Variants in GJA10 observed in about 807,000 individuals in gnomAD.
GJA10 encodes gap junction alpha-10 protein.
For synonymous variants in GJA10, 239 were observed against 233.0 expected (o/e 1.03, Z -0.23); for missense variants, 685 against 651.9 (o/e 1.05, Z -0.55).
At position 89,895,774 on chromosome 6, in the gene GJA10, T is replaced by C. The variant is rs578001286; in HGVS notation, c.1306T>C (p.Leu436=). Residue 436 remains leucine, a synonymous_variant, in exon 1 of 1, where the codon TTG becomes CTG. Coordinates refer to ENST00000369352, the MANE Select transcript of GJA10 (RefSeq NM_032602.2). ...TCGCAAGGCCAGCTTTCTGTCCAGA[T>C]TGTTGTCTGAAAAGCGACATCTGCA... The part of the protein sequence containing the change: ...GSRKASFLSR[L]LSEKRHLHSD... The C allele has an allele frequency of 3.7e-6, 6 of 1,614,118 alleles. No homozygotes were observed. The highest frequency in any genetic ancestry group is 2.7e-5 in the African/African-American group (2 of 75,030).
Position 89,894,825 on chromosome 6 carries a change from G to A in GJA10, c.357G>A (p.Glu119=). Residue 119 remains glutamate, a synonymous_variant, in exon 1 of 1, where the codon GAG becomes GAA. Transcript: ENST00000369352. ...RKKSHLRAQM[E]NPDLDLEEQQ... is the part of the protein sequence containing the mutation. ...AGTCACACCTTAGAGCCCAGATGGA[G>A]AATCCAGATCTTGACTTGGAGGAGC... The A allele has an allele frequency of 1.9e-6, 3 of 1,614,208 alleles. No homozygotes were observed. The highest frequency in any genetic ancestry group is 3.3e-5 in the Admixed American group (2 of 60,026).
rs896103911 is a variant in GJA10 at position 89,895,741 on chromosome 6, C to T, written c.1273C>T (p.Pro425Ser). The T allele has an allele frequency of 1.2e-6, 2 of 1,614,016 alleles. No individual in the cohort carries two copies. The highest frequency in any genetic ancestry group is 2.7e-5 in the African/African-American group (2 of 74,892). ...ESGVWIDRSR[P>S]GSRKASFLSR... is the part of the protein sequence containing the mutation. The stretch of plus-strand genomic sequence containing the variant: ...TGGGGTCTGGATAGACAGATCTCGC[C>T]CAGGCAGTCGCAAGGCCAGCTTTCT... The change falls in exon 1 of 1, where the codon CCA becomes TCA. Residue 425 changes from proline (P) to serine (S), a missense_variant. Physicochemically the swap from Pro to Ser is moderately conservative, Grantham distance 74 (BLOSUM62 -1). Coordinates refer to ENST00000369352, the MANE Select transcript of GJA10 (RefSeq NM_032602.2).
In GJA10 at chr6:89,894,961, T is replaced by A. The variant is rs1403256575; in HGVS notation, c.493T>A (p.Ser165Thr). The change falls in exon 1 of 1, where the codon TCT (serine) becomes ACT (threonine). Residue 165 changes from serine (S) to threonine (T), a missense_variant. By Grantham distance (58) the Ser-to-Thr change is moderately conservative (BLOSUM62 1). Coordinates refer to ENST00000369352, the MANE Select transcript of GJA10 (RefSeq NM_032602.2). ...TTATGTCTTACACATCTTGACCAGA[T>A]CTGTGCTGGAAGTAGGATTCATGAT... ...RTYVLHILTR[S>T]VLEVGFMIGQ... The A allele has an allele frequency of 6.8e-6, 11 of 1,614,026 alleles. No homozygotes were observed. The highest frequency in any genetic ancestry group is 1.3e-5 in the African/African-American group (1 of 74,910).
rs376247720 is a variant in GJA10, at chr6:89,894,598, G to T, written c.130G>T (p.Val44Phe). 6.2e-7 allele frequency: 1 copy of T among 1,614,232 alleles called. No individual in the cohort carries two copies. Among genetic ancestry groups the T allele is most frequent in the Non-Finnish European group, 8.5e-7 (1 of 1,180,044 alleles). ...MLVLRVAAED[V>F]WDDEQSAFAC... Reference sequence around the variant, plus strand: ...GGTACTTCGTGTGGCTGCTGAGGATGTCTGGGATGATGAACAGTCAGCATT... The same window carrying T: ...GGTACTTCGTGTGGCTGCTGAGGATTTCTGGGATGATGAACAGTCAGCATT... The change falls in exon 1 of 1, where the codon GTC becomes TTC. Residue 44 changes from valine (V) to phenylalanine (F), a missense_variant. Physicochemically the swap from Val to Phe is conservative, Grantham distance 50 (BLOSUM62 -1). Coordinates refer to ENST00000369352, the MANE Select transcript of GJA10 (RefSeq NM_032602.2).
rs1329815734 is a variant in GJA10 at position 89,894,795 on chromosome 6, G to A, written c.327G>A (p.Arg109=). The A allele has an allele frequency of 3.3e-5, 54 of 1,614,088 alleles. No homozygotes were observed. Among genetic ancestry groups the A allele is most frequent in the Non-Finnish European group, 4.2e-5 (50 of 1,180,052 alleles). ...GGGCCTTTGAGAAAGACAGGCAGAGGAAAAAGTCACACCTTAGAGCCCAGA... is the reference window on the plus strand; with the variant it reads ...GGGCCTTTGAGAAAGACAGGCAGAGAAAAAAGTCACACCTTAGAGCCCAGA... The part of the protein sequence containing the change: ...RLRAFEKDRQ[R]KKSHLRAQME... The change falls in exon 1 of 1, where the codon AGG becomes AGA. Residue 109 remains arginine (R), a synonymous_variant. Coordinates refer to ENST00000369352, the MANE Select transcript of GJA10 (RefSeq NM_032602.2).
Position 89,896,003 on chromosome 6 carries a change from T to C in GJA10, c.1535T>C (p.Met512Thr). 1 of 1,613,782 alleles carries C rather than the reference T, an allele frequency of 6.2e-7. No homozygotes were observed. Among genetic ancestry groups the C allele is most frequent in the Non-Finnish European group, 8.5e-7 (1 of 1,179,664 alleles). ...CCTTTCTTTCTTCCTGGGGTGTGTA[T>C]GTATGTTTGTGTTGACAGAGAGGCA... ...LFPFFLPGVC[M>T]YVCVDREADG... The change falls in exon 1 of 1, where the codon ATG becomes ACG. Residue 512 changes from methionine to threonine, a missense_variant. By Grantham distance (81) the Met-to-Thr change is moderately conservative. Coordinates refer to ENST00000369352, the MANE Select transcript of GJA10 (RefSeq NM_032602.2).
In GJA10 at chr6:89,894,753, T is replaced by C. The variant is rs768180031; in HGVS notation, c.285T>C (p.His95=). Residue 95 remains histidine (H), a synonymous_variant, in exon 1 of 1, where the codon CAT becomes CAC. Coordinates refer to ENST00000369352, the MANE Select transcript of GJA10 (RefSeq NM_032602.2). ...VSSPSLVYMG[H]ALYRLRAFEK... The stretch of plus-strand genomic sequence containing the variant: ...CTCCTTCTTTGGTCTATATGGGCCA[T>C]GCACTTTATAGGCTCAGGGCCTTTG... 1 of 1,614,236 alleles carries C rather than the reference T, an allele frequency of 6.2e-7. No homozygotes were observed. Among genetic ancestry groups the C allele is most frequent in the Non-Finnish European group, 8.5e-7 (1 of 1,180,048 alleles).
At position 89,894,730 on chromosome 6, in the gene GJA10, CCTT is replaced by C; in HGVS notation, c.266_268del (p.Ser89del). 1 of 1,614,180 alleles carries C rather than the reference CCTT, an allele frequency of 6.2e-7. No homozygotes were observed. ...TTTACAGATCATCTTTGTGTCTTCT[CCTT>C]CTTTGGTCTATATGGGCCATGCACT... On this transcript the variant is annotated inframe_deletion, in exon 1 of 1. Transcript: ENST00000369352.
Position 89,894,902 on chromosome 6 carries a change from A to G in GJA10, c.434A>G (p.His145Arg), listed in dbSNP as rs765487975. The G allele has an allele frequency of 3.1e-6, 5 of 1,614,086 alleles. No individual in the cohort carries two copies. Among genetic ancestry groups the G allele is most frequent in the Admixed American group, 1.7e-5 (1 of 60,000 alleles). ...LRRLEEQKRI[H>R]KVPLKGCLLR... ...AGGTTAGAGGAGCAGAAGAGGATCCATAAAGTCCCTCTGAAAGGATGTCTG... is the reference window on the plus strand; with the variant it reads ...AGGTTAGAGGAGCAGAAGAGGATCCGTAAAGTCCCTCTGAAAGGATGTCTG... The change falls in exon 1 of 1, where the codon CAT (histidine) becomes CGT (arginine). Residue 145 changes from histidine to arginine, a missense_variant. His to Arg is a conservative substitution (Grantham distance 29, BLOSUM62 0). Coordinates refer to ENST00000369352, the MANE Select transcript of GJA10 (RefSeq NM_032602.2).
chr6:89,895,395 G>A lies in GJA10; in HGVS notation c.927G>A (p.Arg309=). The part of the protein sequence containing the change: ...SKTMWQIPQP[R]QLEVDPSNGK... ...CCATGTGGCAAATCCCACAGCCAAGGCAACTTGAAGTAGACCCTTCCAATG... is the reference window on the plus strand; with the variant it reads ...CCATGTGGCAAATCCCACAGCCAAGACAACTTGAAGTAGACCCTTCCAATG... Residue 309 remains arginine, a synonymous_variant, in exon 1 of 1, where the codon AGG becomes AGA. Transcript: ENST00000369352. 6.2e-7 allele frequency: 1 copy of A among 1,614,194 alleles called. No homozygotes were observed. The highest frequency in any genetic ancestry group is 8.5e-7 in the Non-Finnish European group (1 of 1,180,032).
At position 89,894,662 on chromosome 6, in the gene GJA10, G is replaced by A. The variant is rs1014799269; in HGVS notation, c.194G>A (p.Cys65Tyr). ...CGGCAGCCAGGTTGCAACAATATCTGTTATGATGATGCATTCCCTATCTCT... is the reference window on the plus strand; with the variant it reads ...CGGCAGCCAGGTTGCAACAATATCTATTATGATGATGCATTCCCTATCTCT... ...NTRQPGCNNI[C>Y]YDDAFPISLI... The change falls in exon 1 of 1, where the codon TGT becomes TAT. Residue 65 changes from cysteine to tyrosine, a missense_variant. Cys to Tyr is a radical substitution (Grantham distance 194, BLOSUM62 -2). Coordinates refer to ENST00000369352, the MANE Select transcript of GJA10 (RefSeq NM_032602.2). The A allele has an allele frequency of 3.1e-6, 5 of 1,614,108 alleles. No homozygotes were observed. Among genetic ancestry groups the A allele is most frequent in the African/African-American group, 1.3e-5 (1 of 74,934 alleles).
chr6:89,894,630 C>T lies in GJA10; in HGVS notation c.162C>T (p.Cys54=), dbSNP rs527376935. Residue 54 remains cysteine, a synonymous_variant, in exon 1 of 1, where the codon TGC becomes TGT. Transcript: ENST00000369352. ...VWDDEQSAFA[C]NTRQPGCNNI... is the part of the protein sequence containing the mutation. ...ATGATGAACAGTCAGCATTTGCCTG[C>T]AACACCCGGCAGCCAGGTTGCAACA... The T allele has an allele frequency of 6.2e-7, 1 of 1,614,236 alleles. No homozygotes were observed. Among genetic ancestry groups the T allele is most frequent in the South Asian group, 1.1e-5 (1 of 91,090 alleles).
chr6:89,895,829 A>G lies in GJA10; in HGVS notation c.1361A>G (p.Asn454Ser). The change falls in exon 1 of 1, where the codon AAT (asparagine) becomes AGT (serine). Residue 454 changes from asparagine (N) to serine (S), a missense_variant. By Grantham distance (46) the Asn-to-Ser change is conservative (BLOSUM62 1). Coordinates refer to ENST00000369352, the MANE Select transcript of GJA10 (RefSeq NM_032602.2). ...HSDSGSSGSR[N>S]SSCLDFPHWE... ...GACTCAGGAAGCTCTGGTTCTCGGAATAGCTCCTGCTTGGATTTTCCTCAC... is the reference window on the plus strand; with the variant it reads ...GACTCAGGAAGCTCTGGTTCTCGGAGTAGCTCCTGCTTGGATTTTCCTCAC... 1 of 1,614,180 alleles carries G rather than the reference A, an allele frequency of 6.2e-7. No individual in the cohort carries two copies.
rs1368177001 is a variant in GJA10 at position 89,895,145 on chromosome 6, A to G, written c.677A>G (p.Asn226Ser). 4.3e-6 allele frequency: 7 copies of G among 1,614,128 alleles called. No homozygotes were observed. Among genetic ancestry groups the G allele is most frequent in the Non-Finnish European group, 5.9e-6 (7 of 1,180,020 alleles). Residue 226 changes from asparagine (N) to serine (S), a missense_variant, in exon 1 of 1, where the codon AAT becomes AGT. Transcript: ENST00000369352. ...ATTGCAGCCATTTCCTTGTTACTCA[A>G]TATACTGGAAATATTTCATCTAGGC... Reference protein sequence around the residue: ...HSIAAISLLLNILEIFHLGIR... With the variant: ...HSIAAISLLLSILEIFHLGIR...
At position 89,895,200 on chromosome 6, in the gene GJA10, G is replaced by T; in HGVS notation, c.732G>T (p.Lys244Asn). 6.2e-7 allele frequency: 1 copy of T among 1,614,144 alleles called. No homozygotes were observed. Among genetic ancestry groups the T allele is most frequent in the Non-Finnish European group, 8.5e-7 (1 of 1,180,036 alleles). Residue 244 changes from lysine (K) to asparagine (N), a missense_variant, in exon 1 of 1, where the codon AAG becomes AAT. Transcript: ENST00000369352. ...GIRKIMRTLY[K>N]KSSSEGIEDE... ...GAAAAATTATGAGGACACTTTATAA[G>T]AAATCCAGCAGTGAGGGCATTGAGG...
In GJA10 at chr6:89,895,242, A is replaced by G. The variant is rs771313348; in HGVS notation, c.774A>G (p.Pro258=). The change falls in exon 1 of 1, where the codon CCA becomes CCG. Residue 258 remains proline (P), a synonymous_variant. Transcript: ENST00000369352. ...SEGIEDETGP[P]FHLKKYSVAQ... Reference sequence around the variant, plus strand: ...GCATTGAGGATGAAACAGGCCCTCCATTCCATTTGAAGAAATATTCTGTGG... The same window carrying G: ...GCATTGAGGATGAAACAGGCCCTCCGTTCCATTTGAAGAAATATTCTGTGG... The G allele has an allele frequency of 3.7e-6, 6 of 1,614,110 alleles. No individual in the cohort carries two copies. The African/African-American group carries it at 5.3e-5, about 14-fold the overall frequency.
Position 89,895,163 on chromosome 6 carries a change from A to C in GJA10, c.695A>C (p.His232Pro), listed in dbSNP as rs1771728596. The C allele has an allele frequency of 6.2e-7, 1 of 1,614,130 alleles. No homozygotes were observed. The highest frequency in any genetic ancestry group is 8.5e-7 in the Non-Finnish European group (1 of 1,180,022). Residue 232 changes from histidine to proline, a missense_variant, in exon 1 of 1, where the codon CAT (histidine) becomes CCT (proline). Transcript: ENST00000369352. ...TTACTCAATATACTGGAAATATTTC[A>C]TCTAGGCATCAGAAAAATTATGAGG... Reference protein sequence around the residue: ...SLLLNILEIFHLGIRKIMRTL... With the variant: ...SLLLNILEIFPLGIRKIMRTL...
chr6:89,894,903 T>C lies in GJA10; in HGVS notation c.435T>C (p.His145=), dbSNP rs750627146. 3.1e-6 allele frequency: 5 copies of C among 1,614,064 alleles called. No homozygotes were observed. The highest frequency in any genetic ancestry group is 3.3e-4 in the Middle Eastern group (2 of 6,084). ...GGTTAGAGGAGCAGAAGAGGATCCA[T>C]AAAGTCCCTCTGAAAGGATGTCTGC... ...LRRLEEQKRI[H]KVPLKGCLLR... Residue 145 remains histidine (H), a synonymous_variant, in exon 1 of 1, where the codon CAT becomes CAC. Transcript: ENST00000369352.
rs1321759813 is a variant in GJA10 at position 89,895,457 on chromosome 6, G to C, written c.989G>C (p.Gly330Ala). 2 of 1,614,206 alleles carry C rather than the reference G, an allele frequency of 1.2e-6. No homozygotes were observed. The highest frequency in any genetic ancestry group is 1.1e-5 in the South Asian group (1 of 91,080). Residue 330 changes from glycine (G) to alanine (A), a missense_variant, in exon 1 of 1, where the codon GGA (glycine) becomes GCA (alanine). Transcript: ENST00000369352. ...TGGTCTGAGAAGGATCAGCATAGCG[G>C]ACAGCTCCATGTTCACAGCCCGTGT... ...KDWSEKDQHS[G>A]QLHVHSPCPW...
Sources: gnomAD v4.1 joint callset for allele counts on GRCh38, gnomAD v4.1.1 for gene constraint, MANE v1.5 for transcripts, NCBI Gene and HGNC (gene_info 2026-07-23, HGNC 2026-07-21) for gene names.